The following PPARGC1A variants were observed in gnomAD, a reference collection of about 807,000 sequenced individuals.
The protein encoded by PPARGC1A is PPARG coactivator 1 alpha, also known as peroxisome proliferator-activated receptor gamma coactivator 1-alpha.
PPARGC1A carries 25 observed loss-of-function variants against 88.7 expected under a neutral mutation model. The ratio of observed to expected loss-of-function variants is 0.28; its 90% CI spans 0.21 to 0.39. The LOEUF is 0.39. Ranked by LOEUF, PPARGC1A falls within the 10% of genes least tolerant of loss-of-function variation. PPARGC1A has a pLI of 1.00. For synonymous variants in PPARGC1A, 363 were observed against 355.6 expected (o/e 1.02, Z -0.24); for missense variants, 880 against 968.7 (o/e 0.91, Z 1.22).
chr4:24,362,187 A>T, the PPARGC1A span, among the ~76,000 whole-genome samples: 289 of 152,276 alleles, frequency 1.9e-3, no homozygotes, highest in African/African-American at 6.4e-3. Context: ...AAGTTCACCC[A>T]CTTCAGATAC....
the PPARGC1A span, among the ~76,000 whole-genome samples, chr4:24,268,200 T>C: frequency 6.6e-6 from 1 of 152,178 alleles, no homozygotes; most frequent in Admixed American, 6.5e-5. Flanking sequence ...AAAACAATAA[T>C]AAGTAAAATA....
At chr4:24,336,675 T>C in the PPARGC1A span, among the ~76,000 whole-genome samples, 1 of 152,244 alleles carries the variant, frequency 6.6e-6, no homozygotes, top group East Asian at 1.9e-4. Flanking sequence ...CTGCATCTTA[T>C]TCCAATGTGT....
chr4:24,065,982 C>G, the PPARGC1A span, among the ~76,000 whole-genome samples: 1 of 152,166 alleles, frequency 6.6e-6, no homozygotes, highest in Non-Finnish European at 1.5e-5. Flanking sequence ...AAGTTCCCAC[C>G]AACCTTGGGA....
the PPARGC1A span, among the ~76,000 whole-genome samples, chr4:24,099,228 G>A: frequency 3.4e-5 from 5 of 148,504 alleles, no homozygotes. Flanking sequence ...AAAACAAAAG[G>A]GCTATACGAT....
the PPARGC1A span, among the ~76,000 whole-genome samples, chr4:24,352,476 T>A: frequency 6.6e-6 from 1 of 152,124 alleles, no homozygotes; most frequent in Non-Finnish European, 1.5e-5. Context: ...ATCCCATAGG[T>A]GAGGGTGCCC....
chr4:24,016,127 A>AATTT, the PPARGC1A span, among the ~76,000 whole-genome samples: 1 of 152,242 alleles, frequency 6.6e-6, no homozygotes, highest in Non-Finnish European at 1.5e-5. Context: ...TAAGCAAGGA[A>AATTT]ACAGTTTGTA....
chr4:24,028,121 G>GA, the PPARGC1A span, among the ~76,000 whole-genome samples: 51,625 of 150,962 alleles, frequency 0.34, 9,462 homozygotes, highest in East Asian at 0.52. Flanking sequence ...GCTCCTCAAG[G>GA]AAAAAAAAAT....
At chr4:24,143,985 T>A in the PPARGC1A span, among the ~76,000 whole-genome samples, 1 of 152,228 alleles carries the variant, frequency 6.6e-6, no homozygotes, top group African/African-American at 2.4e-5. Context: ...AACAAGTACA[T>A]GTGCTTTTCA....
At chr4:24,279,935 G>A in the PPARGC1A span, among the ~76,000 whole-genome samples, 1 of 152,110 alleles carries the variant, frequency 6.6e-6, no homozygotes, top group Non-Finnish European at 1.5e-5. Context: ...CAGCAGGAGA[G>A]CAAATTGGCC....
upstream of PPARGC1A, among the ~76,000 whole-genome samples, chr4:23,908,181 G>T (rs1239458026): frequency 6.6e-6 from 1 of 152,154 alleles, no homozygotes; most frequent in Non-Finnish European, 1.5e-5. Flanking sequence ...GACAGTGTCT[G>T]CATTTTCCAA....
chr4:23,851,270 T>G (rs1004580647), intron 2 of PPARGC1A, among the ~76,000 whole-genome samples: 2 of 152,082 alleles, frequency 1.3e-5, no homozygotes, highest in African/African-American at 4.8e-5. Flanking sequence ...ACTGGGAACA[T>G]ACACACACAC....
At chr4:24,249,959 A>T in the PPARGC1A span, among the ~76,000 whole-genome samples, 3 of 152,358 alleles carry the variant, frequency 2.0e-5, no homozygotes, top group African/African-American at 7.2e-5. Context: ...TCACTCATTA[A>T]CCAACGGGCA....
At chr4:24,043,427 C>T in the PPARGC1A span, among the ~76,000 whole-genome samples, 3 of 152,110 alleles carry the variant, frequency 2.0e-5, no homozygotes, top group Non-Finnish European at 4.4e-5. Context: ...ACCGGCTTTA[C>T]TGTAACTTCA....
At chr4:24,059,543 A>T in the PPARGC1A span, among the ~76,000 whole-genome samples, 125 of 152,326 alleles carry the variant, frequency 8.2e-4, no homozygotes, top group African/African-American at 3.0e-3. Flanking sequence ...GAGATAGCCA[A>T]GGAGGAACAG....
chr4:23,808,434 A>G (rs1190163727), intron 10 of PPARGC1A, among the ~76,000 whole-genome samples: 1 of 152,138 alleles, frequency 6.6e-6, no homozygotes, highest in Non-Finnish European at 1.5e-5. Context: ...GTGCTGAGCC[A>G]TATCACAATG....
chr4:24,056,915 GA>G, the PPARGC1A span, among the ~76,000 whole-genome samples: 1 of 152,120 alleles, frequency 6.6e-6, no homozygotes, highest in Non-Finnish European at 1.5e-5. Context: ...ATTAAAAATT[GA>G]ATTTCCATAT....
At chr4:24,154,535 A>G in the PPARGC1A span, among the ~76,000 whole-genome samples, 4 of 152,188 alleles carry the variant, frequency 2.6e-5, no homozygotes, top group African/African-American at 7.2e-5. Flanking sequence ...CTACAACTCA[A>G]AATACATGGC....
At chr4:23,933,582 A>G in the PPARGC1A span, among the ~76,000 whole-genome samples, 1 of 152,202 alleles carries the variant, frequency 6.6e-6, no homozygotes, top group Non-Finnish European at 1.5e-5. Flanking sequence ...ATTTAATATT[A>G]AGGAAAATAG....
the PPARGC1A span, among the ~76,000 whole-genome samples, chr4:24,121,352 A>T: frequency 2.5e-4 from 38 of 152,152 alleles, no homozygotes; most frequent in African/African-American, 9.2e-4. Context: ...TCTGAACATG[A>T]TCACAGGTCT....
Sources: gnomAD v4.1 joint callset for allele counts (sites outside exome capture counted in the v4.1 genomes callset) on GRCh38, gnomAD v4.1.1 for gene constraint, MANE v1.5 for transcripts, NCBI Gene and HGNC (gene_info 2026-07-23, HGNC 2026-07-21) for gene names.